Variants in ZNF503 observed in about 807,000 individuals in gnomAD.
ZNF503 encodes the protein zinc finger protein 503, also known as NocA-like zinc finger 2.
A neutral mutation model predicts 34.4 loss-of-function variants in ZNF503; 15 were observed. That is an observed-to-expected ratio of 0.44 (90% confidence interval 0.29 to 0.67). The LOEUF is 0.67. ZNF503 is among the 30% of genes least tolerant of loss of function. The probability of loss-of-function intolerance (pLI) is 0.13; values close to 1 mark genes in which losing one functional copy is unlikely to be tolerated. For synonymous variants in ZNF503, 580 were observed against 456.8 expected, an observed-to-expected ratio of 1.27 and a Z score of -3.44; for missense variants, 1,007 against 926.8, an observed-to-expected ratio of 1.09 and a Z score of -1.12.
chr10:75,297,341 T>G, the ZNF503 span, among the ~76,000 whole-genome samples: 5 of 152,208 alleles, frequency 3.3e-5, no homozygotes, highest in African/African-American at 4.8e-5. Context: ...TTCCTTCCTC[T>G]ACAGCTATTC....
chr10:75,367,773 C>T, the ZNF503 span, among the ~76,000 whole-genome samples: 2 of 152,130 alleles, frequency 1.3e-5, no homozygotes, highest in African/African-American at 4.8e-5. Flanking sequence ...CCTACTATTC[C>T]TGGTTATTAT....
the ZNF503 span, among the ~76,000 whole-genome samples, chr10:75,371,077 C>G: frequency 1.3e-5 from 2 of 152,190 alleles, no homozygotes; most frequent in Non-Finnish European, 2.9e-5. Context: ...GAATATCTCA[C>G]TGCCAAGACT....
rs1456907799 is a variant in ZNF503 at position 75,399,438 on chromosome 10, G to A, written c.1252C>T (p.Pro418Ser). The change falls in exon 2 of 2, where the codon CCG becomes TCG. Residue 418 changes from proline (P) to serine (S), a missense_variant. Transcript: ENST00000372524. ...AGSSPLAGAS[P>S]PSVMTASLCR... is the part of the protein sequence containing the mutation. Reference sequence around the variant, plus strand: ...AAACTGGCTGTCATCACGGACGGCGGAGACGCTCCGGCCAAAGGGCTGGAG... The same window carrying A: ...AAACTGGCTGTCATCACGGACGGCGAAGACGCTCCGGCCAAAGGGCTGGAG... 1 of 1,594,912 alleles carries A rather than the reference G, an allele frequency of 6.3e-7. No individual in the cohort carries two copies. The highest frequency in any genetic ancestry group is 8.5e-7 in the Non-Finnish European group (1 of 1,175,602).
chr10:75,308,606 T>C, the ZNF503 span, among the ~76,000 whole-genome samples: 1 of 152,214 alleles, frequency 6.6e-6, no homozygotes, highest in Admixed American at 6.5e-5. Context: ...GCATTTGTGA[T>C]TCATAGGAGG....
At chr10:75,294,340 A>C in the ZNF503 span, among the ~76,000 whole-genome samples, 6 of 152,314 alleles carry the variant, frequency 3.9e-5, no homozygotes, top group African/African-American at 1.4e-4. Flanking sequence ...CCAAAGTCAC[A>C]CAGGAAGATA....
At chr10:75,305,546 T>G in the ZNF503 span, among the ~76,000 whole-genome samples, 2 of 152,164 alleles carry the variant, frequency 1.3e-5, no homozygotes, top group African/African-American at 4.8e-5. Flanking sequence ...ATCTTAACCA[T>G]TTTAAGTAGT....
In ZNF503 at chr10:75,401,721, C is replaced by CTGCGCTCTGCGA. The variant is rs367698599; in HGVS notation, c.-314_-303dup. On this transcript the variant is annotated 5_prime_UTR_variant, in exon 1 of 2. Coordinates refer to ENST00000372524, the MANE Select transcript of ZNF503 (RefSeq NM_032772.6). Reference sequence around the variant, plus strand: ...GCGTTCTCGCGGCCCCGCGCCGGCGCTGCGCTCTGCGATGCGAGCCGCTGC... The same window carrying CTGCGCTCTGCGA: ...GCGTTCTCGCGGCCCCGCGCCGGCGCTGCGCTCTGCGATGCGCTCTGCGATGCGAGCCGCTGC... 1.1e-3 allele frequency: 424 copies of CTGCGCTCTGCGA among 396,018 alleles called. 2 individuals are homozygous for CTGCGCTCTGCGA. The highest frequency in any genetic ancestry group is 8.2e-3 in the African/African-American group (381 of 46,736). 24.5% of individuals were successfully genotyped at this position (396,018 alleles called of 1,614,324 possible). A position where few individuals can be genotyped will look rare whatever the true frequency, so the allele number is the denominator to read the frequency against.
the ZNF503 span, among the ~76,000 whole-genome samples, chr10:75,312,716 T>TA: frequency 6.6e-6 from 1 of 151,902 alleles, no homozygotes; most frequent in Non-Finnish European, 1.5e-5. Flanking sequence ...AAAGAAAATG[T>TA]AAAAAATCTT....
In ZNF503 at chr10:75,401,342, G is replaced by A; in HGVS notation, c.78C>T (p.Gly26=). ...CGCTGGTCCAGGCAGGGTCTGCACC[G>A]CCGCCTCCGCCTCCGCCGCCGCCGC... ...SGGGGGGGGG[G]GADPAWTSAL... The change falls in exon 1 of 2, where the codon GGC becomes GGT. Residue 26 remains glycine, a synonymous_variant. Coordinates refer to ENST00000372524, the MANE Select transcript of ZNF503 (RefSeq NM_032772.6). The A allele has an allele frequency of 1.3e-6, 2 of 1,538,546 alleles. No individual in the cohort carries two copies. Among genetic ancestry groups the A allele is most frequent in the South Asian group, 1.2e-5 (1 of 84,046 alleles).
the ZNF503 span, among the ~76,000 whole-genome samples, chr10:75,387,456 G>T: frequency 6.6e-6 from 1 of 152,190 alleles, no homozygotes; most frequent in Non-Finnish European, 1.5e-5. Context: ...GGTCTTGTGA[G>T]GATATAAAAA....
the ZNF503 span, among the ~76,000 whole-genome samples, chr10:75,346,442 T>C: frequency 6.8e-6 from 1 of 147,882 alleles, no homozygotes; most frequent in East Asian, 2.0e-4. Context: ...TTTTCTTTTC[T>C]TTTTTTTTTT....
chr10:75,398,543 G>T lies in ZNF503; in HGVS notation c.*206C>A. On this transcript the variant is annotated 3_prime_UTR_variant, in exon 2 of 2. Coordinates refer to ENST00000372524, the MANE Select transcript of ZNF503 (RefSeq NM_032772.6). Reference sequence around the variant, plus strand: ...TCAACTTTTATAAAGTTTGGGTGGGGAGGTGAAAGTGGGGAGAAGGGGAGT... The same window carrying T: ...TCAACTTTTATAAAGTTTGGGTGGGTAGGTGAAAGTGGGGAGAAGGGGAGT... The T allele has an allele frequency of 2.4e-6, 1 of 409,096 alleles. No homozygotes were observed. Among genetic ancestry groups the T allele is most frequent in the Non-Finnish European group, 4.2e-6 (1 of 236,524 alleles). The allele number at this position is 409,096 out of a possible 1,614,324, so 25.3% of individuals were successfully genotyped here.
the ZNF503 span, among the ~76,000 whole-genome samples, chr10:75,322,379 C>T: frequency 6.6e-6 from 1 of 152,156 alleles, no homozygotes; most frequent in Non-Finnish European, 1.5e-5. Flanking sequence ...GCCTCAGCCT[C>T]CCAAAGTGCT....
the ZNF503 span, among the ~76,000 whole-genome samples, chr10:75,348,490 G>T: frequency 1.4e-5 from 2 of 142,712 alleles, no homozygotes; most frequent in African/African-American, 5.2e-5. Context: ...GAGCCACCAC[G>T]CCTGGCCCCT....
the ZNF503 span, among the ~76,000 whole-genome samples, chr10:75,302,900 T>C: frequency 6.6e-6 from 1 of 152,206 alleles, no homozygotes; most frequent in Non-Finnish European, 1.5e-5. Flanking sequence ...TAGACTCATA[T>C]TGTTCTTACC....
At chr10:75,393,962 C>T (rs1589131567), downstream of ZNF503, among the ~76,000 whole-genome samples, 4 of 152,310 alleles carry the variant, frequency 2.6e-5, no homozygotes, top group South Asian at 4.1e-4. Flanking sequence ...AACCCAGCTA[C>T]GTTCACCACA....
the ZNF503 span, among the ~76,000 whole-genome samples, chr10:75,374,752 C>T: frequency 6.6e-6 from 1 of 152,224 alleles, no homozygotes; most frequent in African/African-American, 2.4e-5. Context: ...GCGTGAAATA[C>T]ATGCACAATA....
At chr10:75,314,254 A>G in the ZNF503 span, among the ~76,000 whole-genome samples, 3,945 of 150,504 alleles carry the variant, frequency 0.026, 160 homozygotes, top group African/African-American at 0.092. Flanking sequence ...AAAAAAAAAA[A>G]AAAGAAAGCT....
chr10:75,348,167 A>T, the ZNF503 span, among the ~76,000 whole-genome samples: 1 of 151,854 alleles, frequency 6.6e-6, no homozygotes, highest in African/African-American at 2.4e-5. Context: ...GGTTCAAGTG[A>T]TTCTCCTGCT....
Sources: allele counts gnomAD v4.1 joint callset (sites outside exome capture counted in the v4.1 genomes callset), GRCh38; gene constraint gnomAD v4.1.1; transcripts MANE v1.5; gene names NCBI Gene and HGNC (gene_info 2026-07-23, HGNC 2026-07-21).